The following IMMT variants were observed in gnomAD, a reference collection of about 807,000 sequenced individuals.
The protein encoded by IMMT is MICOS complex subunit MIC60.
In IMMT, 40 loss-of-function variants were observed where a neutral mutation model predicts 92.7. That is an observed-to-expected ratio of 0.43 (90% CI 0.34 to 0.56). The LOEUF (loss-of-function observed/expected upper bound fraction) is 0.56, where lower values mean the gene tolerates loss of function less well. Ranked by LOEUF, IMMT falls within the 20% of genes least tolerant of loss-of-function variation. IMMT has a pLI of 0.03. For missense variants in IMMT, 831 were observed against 912.1 expected (o/e 0.91, Z 1.14); for synonymous variants, 322 against 336.1 (o/e 0.96, Z 0.46).
At chr2:86,189,393 C>A (rs892715172) in intron 1 of IMMT, among the ~76,000 whole-genome samples, 8 of 152,112 alleles carry the variant, frequency 5.3e-5, no homozygotes, top group African/African-American at 1.9e-4. Context: ...TGCCACCACA[C>A]CCGGCTAATT....
chr2:86,161,991 G>C lies in IMMT; in HGVS notation c.881C>G (p.Ala294Gly). The C allele has an allele frequency of 1.3e-6, 2 of 1,594,478 alleles. No homozygotes were observed. Among genetic ancestry groups the C allele is most frequent in the Non-Finnish European group, 1.7e-6 (2 of 1,169,868 alleles). The change falls in exon 8 of 15, where the codon GCC (alanine) becomes GGC (glycine). Residue 294 changes from alanine (A) to glycine (G), a missense_variant. Ala to Gly is a moderately conservative substitution (Grantham distance 60, BLOSUM62 0). Transcript: ENST00000410111. ...RRKAVDEAAD[A>G]LLKAKEELEK... ...GAGTAATTACTTGGCTTTGAGAAGGGCATCGGCAGCTTCATCTACTGCCTT... is the reference window on the plus strand; with the variant it reads ...GAGTAATTACTTGGCTTTGAGAAGGCCATCGGCAGCTTCATCTACTGCCTT...
At chr2:86,173,908 A>G in intron 3 of IMMT, 147 bp from the exon 4 acceptor site, 1 of 559,852 alleles carries the variant, frequency 1.8e-6, no homozygotes, top group African/African-American at 1.9e-5. Context: ...TATTAAACAT[A>G]GTTGAGAGAA....
intron 1 of IMMT, among the ~76,000 whole-genome samples, chr2:86,182,166 T>C (rs1175073949): frequency 1.3e-5 from 2 of 152,232 alleles, no homozygotes; most frequent in Non-Finnish European, 2.9e-5. Flanking sequence ...GGGAAGGTTT[T>C]CATAAACTTT....
At chr2:86,173,930 T>C (rs895137280) in intron 3 of IMMT, among the ~76,000 whole-genome samples, 169 bp from the exon 4 acceptor site, 1 of 152,204 alleles carries the variant, frequency 6.6e-6, no homozygotes, top group Non-Finnish European at 1.5e-5. Flanking sequence ...CCACCATTAC[T>C]AGAAAAGTGC....
At chr2:86,172,597 T>C (rs759366036) in intron 4 of IMMT, among the ~76,000 whole-genome samples, 10 of 152,208 alleles carry the variant, frequency 6.6e-5, no homozygotes, top group Non-Finnish European at 1.2e-4. Flanking sequence ...TTTCCCAAAG[T>C]GCGGGATTAC....
At position 86,179,524 on chromosome 2, in the gene IMMT, T is replaced by C; in HGVS notation, c.218A>G (p.Glu73Gly). 15 of 1,613,488 alleles carry C rather than the reference T, an allele frequency of 9.3e-6. No homozygotes were observed. Among genetic ancestry groups the C allele is most frequent in the Non-Finnish European group, 1.3e-5 (15 of 1,179,716 alleles). The stretch of plus-strand genomic sequence containing the variant: ...GTAAGGTATGGTTTTCTCTACACTT[T>C]CCCGGAAATGGGAATCCCATTTGGC... ...LYAKWDSHFR[E>G]SVEKTIPYSD... The change falls in exon 3 of 15, where the codon GAA becomes GGA. Residue 73 changes from glutamate (E) to glycine (G), a missense_variant. Physicochemically the swap from Glu to Gly is moderately conservative, Grantham distance 98. Transcript: ENST00000410111.
chr2:86,181,453 C>T (rs1672430807), intron 1 of IMMT, 81 bp from the exon 2 acceptor site: 2 of 903,584 alleles, frequency 2.2e-6, no homozygotes, highest in Non-Finnish European at 3.5e-6. Context: ...AGAAATAATA[C>T]TTTTATTAAA....
At chr2:86,164,602 A>C (rs1266476718) in intron 7 of IMMT, among the ~76,000 whole-genome samples, 1 of 149,558 alleles carries the variant, frequency 6.7e-6, no homozygotes, top group African/African-American at 2.5e-5. Flanking sequence ...AAGGCAGGAG[A>C]ATTGCTTGAA....
intron 9 of IMMT, among the ~76,000 whole-genome samples, chr2:86,158,979 A>G (rs1319797713): frequency 6.6e-6 from 1 of 152,168 alleles, no homozygotes; most frequent in Admixed American, 6.5e-5. Flanking sequence ...ATCTGCTACA[A>G]AATGGACATT....
At chr2:86,189,864 G>T (rs919235478) in intron 1 of IMMT, among the ~76,000 whole-genome samples, 1 of 152,102 alleles carries the variant, frequency 6.6e-6, no homozygotes, top group Non-Finnish European at 1.5e-5. Flanking sequence ...AATCCAGTAA[G>T]TTTTTACATT....
At chr2:86,154,384 T>C (rs1675703123) in intron 10 of IMMT, among the ~76,000 whole-genome samples, 1 of 151,960 alleles carries the variant, frequency 6.6e-6, no homozygotes, top group Non-Finnish European at 1.5e-5. Context: ...TTGGCCAGGC[T>C]GGTCTCAAAC....
chr2:86,166,326 G>A (rs527762613), intron 7 of IMMT, among the ~76,000 whole-genome samples, 182 bp downstream of exon 7: 6 of 152,254 alleles, frequency 3.9e-5, no homozygotes, highest in South Asian at 4.1e-4. Flanking sequence ...GCAAGACTCC[G>A]TCTCAAAACA....
chr2:86,147,915 T>C (rs1427486215), intron 12 of IMMT, 82 bp from the exon 13 acceptor site: 1 of 1,383,830 alleles, frequency 7.2e-7, no homozygotes, highest in East Asian at 2.3e-5. Context: ...CTATCAACCA[T>C]GACAACAGCA....
chr2:86,179,690 T>C (rs919463788), intron 2 of IMMT, 68 bp from the exon 3 acceptor site: 4 of 1,331,298 alleles, frequency 3.0e-6, no homozygotes, highest in Non-Finnish European at 4.0e-6. Flanking sequence ...CCTATACCAA[T>C]GTAACCATCT....
At chr2:86,164,675 G>A (rs953257029) in intron 7 of IMMT, among the ~76,000 whole-genome samples, 6 of 96,908 alleles carry the variant, frequency 6.2e-5, no homozygotes, top group African/African-American at 2.6e-4. Flanking sequence ...TGGTGACAGA[G>A]CAAGACTCTG....
intron 3 of IMMT, among the ~76,000 whole-genome samples, chr2:86,177,726 G>A (rs1437358624): frequency 2.6e-5 from 4 of 152,276 alleles, no homozygotes; most frequent in Middle Eastern, 6.8e-3. Context: ...CTGTGACTTT[G>A]TGTTATGGTC....
rs1433681616 is a variant in IMMT at position 86,151,345 on chromosome 2, T to G, written c.1353A>C (p.Lys451Asn). ...TTTCACTTCTGTGATGTTCTAATGC[T>G]TTTGCTACTGCAGAGTCAAATGCCC... ...EKRAFDSAVA[K>N]ALEHHRSEIQ... Residue 451 changes from lysine (K) to asparagine (N), a missense_variant, in exon 12 of 15, where the codon AAA (lysine) becomes AAC (asparagine). Lys to Asn is a moderately conservative substitution (Grantham distance 94, BLOSUM62 0). Transcript: ENST00000410111. 3 of 1,613,900 alleles carry G rather than the reference T, an allele frequency of 1.9e-6. No individual in the cohort carries two copies. The highest frequency in any genetic ancestry group is 2.2e-5 in the South Asian group (2 of 91,088).
At chr2:86,185,956 T>C (rs894567266) in intron 1 of IMMT, among the ~76,000 whole-genome samples, 1 of 152,208 alleles carries the variant, frequency 6.6e-6, no homozygotes, top group Admixed American at 6.5e-5. Flanking sequence ...TAGGGCCAGC[T>C]GAATTTTACA....
At chr2:86,187,163 TC>T (rs1672832314) in intron 1 of IMMT, among the ~76,000 whole-genome samples, 1 of 152,192 alleles carries the variant, frequency 6.6e-6, no homozygotes, top group African/African-American at 2.4e-5. Flanking sequence ...TAGAACATTT[TC>T]ATCACCCTAA....
Sources: allele counts gnomAD v4.1 joint callset (sites outside exome capture counted in the v4.1 genomes callset), GRCh38; gene constraint gnomAD v4.1.1; transcripts MANE v1.5; gene names NCBI Gene and HGNC (gene_info 2026-07-23, HGNC 2026-07-21).